LCOR: variants seen among roughly 807,000 people sequenced by gnomAD.
The protein encoded by LCOR is ligand dependent nuclear receptor corepressor.
Under a neutral mutation model 64.4 loss-of-function variants are expected in LCOR, and 14 were observed. The ratio of observed to expected loss-of-function variants is 0.22; its 90% confidence interval spans 0.14 to 0.34. The LOEUF (loss-of-function observed/expected upper bound fraction) is 0.34, where lower values mean the gene tolerates loss of function less well. Ranked by LOEUF, LCOR falls within the 10% of genes least tolerant of loss-of-function variation. LCOR has a pLI of 1.00. For synonymous variants in LCOR, 643 were observed against 642.5 expected, an observed-to-expected ratio of 1.00 and a Z score of -0.01; for missense variants, 1,686 against 1,765.3, an observed-to-expected ratio of 0.96 and a Z score of 0.80.
chr10:96,942,496 C>G (rs1258564243), intron 4 of LCOR, among the ~76,000 whole-genome samples: 2 of 151,632 alleles, frequency 1.3e-5, no homozygotes, highest in Non-Finnish European at 2.9e-5. Context: ...ATTTATAAGA[C>G]TTAAAATATT....
chr10:96,877,202 C>G (rs947576700), intron 2 of LCOR, among the ~76,000 whole-genome samples: 15 of 151,954 alleles, frequency 9.9e-5, no homozygotes, highest in Non-Finnish European at 1.8e-4. Context: ...TATATCAAAT[C>G]AACAAAAATC....
intron 2 of LCOR, among the ~76,000 whole-genome samples, chr10:96,891,484 T>C (rs1846439779): frequency 1.0e-5 from 1 of 96,404 alleles, no homozygotes; most frequent in African/African-American, 7.2e-5. Context: ...TTCTGACTCT[T>C]TTTTTTTTTT....
chr10:96,933,141 AT>A (rs1022900892), intron 4 of LCOR, among the ~76,000 whole-genome samples: 1 of 152,202 alleles, frequency 6.6e-6, no homozygotes, highest in Non-Finnish European at 1.5e-5. Context: ...GTCTCATTTA[AT>A]TTTTTTAAGT....
rs954459141 is a variant in LCOR at position 96,944,144 on chromosome 10, C to T, written c.-152C>T. 1.2e-5 allele frequency: 12 copies of T among 985,634 alleles called. No individual in the cohort carries two copies. The highest frequency in any genetic ancestry group is 1.3e-5 in the Non-Finnish European group (11 of 829,908). The allele number at this position is 985,634 out of a possible 1,614,324, so 61.1% of individuals were successfully genotyped here. ...TTAGTCGGTCTGGATGAACCAGCTT[C>T]GGGAGCTGGGCAAGAAGCTCTGCTT... is the stretch of plus-strand genomic sequence containing the variant. On this transcript the variant is annotated 5_prime_UTR_variant, in exon 5 of 8. Coordinates refer to ENST00000421806, the MANE Select transcript of LCOR (RefSeq NM_001346516.2).
At position 96,915,939 on chromosome 10, in the gene LCOR, G is replaced by A. The variant is rs116730536; in HGVS notation, c.-184+8192G>A. 8.8e-3 allele frequency: 3,271 copies of A among 371,242 alleles called. 78 individuals are homozygous for A. Among genetic ancestry groups the A allele is most frequent in the African/African-American group, 0.058 (2,763 of 47,576 alleles). 23.0% of individuals were successfully genotyped at this position (371,242 alleles called of 1,614,324 possible). On this transcript the variant is annotated intron_variant, in intron 4 of 7. Transcript: ENST00000421806. Reference sequence around the variant, plus strand: ...CGGCGGCAGGATGTAGGTGCTAGGCGCAGGATGCAGTGGTGCGTGGCCTTT... The same window carrying A: ...CGGCGGCAGGATGTAGGTGCTAGGCACAGGATGCAGTGGTGCGTGGCCTTT...
At chr10:96,955,939 C>T in intron 7 of LCOR, 1 of 1,601,500 alleles carries the variant, frequency 6.2e-7, no homozygotes, top group South Asian at 1.1e-5. Context: ...TGTAGAGTGC[C>T]AATTACTGTA....
At chr10:96,963,610 T>A (rs1468264121) in intron 7 of LCOR, 1 of 152,212 alleles carries the variant, frequency 6.6e-6, no homozygotes, top group Non-Finnish European at 1.5e-5. Context: ...GAGGTCTAGG[T>A]CTGCATATCA....
intron 2 of LCOR, among the ~76,000 whole-genome samples, chr10:96,872,385 C>A (rs1722396484): frequency 6.6e-6 from 1 of 152,298 alleles, no homozygotes; most frequent in African/African-American, 2.4e-5. Context: ...GATACAGAGG[C>A]AGTGCTGTTT....
chr10:96,959,981 A>G (rs1017139701), intron 7 of LCOR: 4 of 152,146 alleles, frequency 2.6e-5, no homozygotes, highest in African/African-American at 7.2e-5. Flanking sequence ...ACCTCAACCA[A>G]TTGGCATTTC....
rs1328983320 is a variant in LCOR, at chr10:96,982,073, C to A, written c.1613C>A (p.Ala538Glu). The change falls in exon 8 of 8, where the codon GCA becomes GAA. Residue 538 changes from alanine to glutamate, a missense_variant. Transcript: ENST00000421806. ...KASCSALASE[A>E]VFTPKQTLTI... ...AGCTGCTCAGCATTGGCATCAGAGGCAGTTTTCACTCCTAAGCAGACCCTT... is the reference window on the plus strand; with the variant it reads ...AGCTGCTCAGCATTGGCATCAGAGGAAGTTTTCACTCCTAAGCAGACCCTT... 1.2e-6 allele frequency: 2 copies of A among 1,614,060 alleles called. No homozygotes were observed. The highest frequency in any genetic ancestry group is 4.5e-5 in the East Asian group (2 of 44,898).
At chr10:96,958,363 C>A in intron 7 of LCOR, 1 of 1,532,218 alleles carries the variant, frequency 6.5e-7, no homozygotes, top group Non-Finnish European at 8.8e-7. Flanking sequence ...TTGTAGTGTA[C>A]ATGGAGTGAT....
At position 96,924,687 on chromosome 10, in the gene LCOR, T is replaced by G. The variant is rs150350083; in HGVS notation, c.-184+16940T>G. On this transcript the variant is annotated intron_variant, in intron 4 of 7. Transcript: ENST00000421806. ...CTTATTATTTAGTCATTTTTGTTCT[T>G]TGTCATAATTACTACTTACAACGCA... 2.8e-3 allele frequency among the ~76,000 whole-genome samples: 428 copies of G among 152,276 alleles called. 1 individual carries two copies. Among genetic ancestry groups the G allele is most frequent in the Non-Finnish European group, 3.6e-3 (246 of 68,028 alleles).
chr10:96,936,081 C>A (rs1000699961), intron 4 of LCOR, among the ~76,000 whole-genome samples: 1 of 152,246 alleles, frequency 6.6e-6, no homozygotes, highest in Non-Finnish European at 1.5e-5. Flanking sequence ...AGACGTTTAA[C>A]AGATAATCAG....
At chr10:96,835,124 C>T (rs1845420393) in intron 2 of LCOR, among the ~76,000 whole-genome samples, 1 of 152,202 alleles carries the variant, frequency 6.6e-6, no homozygotes, top group Non-Finnish European at 1.5e-5. Context: ...TGGTCTCGAA[C>T]TCCTGACCTC....
rs978847551 is a variant in LCOR at position 96,955,863 on chromosome 10, A to T, written c.332+3667A>T. On this transcript the variant is annotated intron_variant, in intron 7 of 7. Transcript: ENST00000421806. ...GGAGGGGCCAGATGTTTCTGTAAAG[A>T]TTGAATTAGATCCCCAGGGAGAGGC... is the stretch of plus-strand genomic sequence containing the variant. 1.9e-6 allele frequency: 3 copies of T among 1,614,082 alleles called. No individual in the cohort carries two copies. The African/African-American group carries it at 4.0e-5, about 22-fold the overall frequency.
At chr10:96,901,945 A>AC (rs2134447053) in intron 2 of LCOR, among the ~76,000 whole-genome samples, 1 of 152,178 alleles carries the variant, frequency 6.6e-6, no homozygotes, top group African/African-American at 2.4e-5. Flanking sequence ...AATTTTTTGT[A>AC]CTTTTTTATA....
Position 96,982,594 on chromosome 10 carries a change from A to G in LCOR, c.2134A>G (p.Met712Val), listed in dbSNP as rs779377877. Residue 712 changes from methionine (M) to valine (V), a missense_variant, in exon 8 of 8, where the codon ATG (methionine) becomes GTG (valine). By Grantham distance (21) the Met-to-Val change is conservative. This residue lies in a region of LCOR where 1,293 missense variants were observed against 1,410.4 expected (regional missense o/e 0.92). Coordinates refer to ENST00000421806, the MANE Select transcript of LCOR (RefSeq NM_001346516.2). ...GTGCTCAGAAAATCAGAGTTCCCCA[A>G]TGGGCTTGGAGCCCCCCATGAGTCT... Reference protein sequence around the residue: ...PQCSENQSSPMGLEPPMSLGK... With the variant: ...PQCSENQSSPVGLEPPMSLGK... 4 of 1,614,014 alleles carry G rather than the reference A, an allele frequency of 2.5e-6. No homozygotes were observed. Among genetic ancestry groups the G allele is most frequent in the African/African-American group, 1.3e-5 (1 of 74,926 alleles).
At chr10:96,867,059 T>C (rs556115265) in intron 2 of LCOR, among the ~76,000 whole-genome samples, 2 of 152,228 alleles carry the variant, frequency 1.3e-5, no homozygotes, top group South Asian at 4.1e-4. Context: ...CAATCTCGGC[T>C]CACCGCAACC....
intron 2 of LCOR, among the ~76,000 whole-genome samples, chr10:96,878,417 T>C (rs185012145): frequency 4.9e-4 from 75 of 152,286 alleles, no homozygotes; most frequent in Admixed American, 7.2e-4. Context: ...ATTAGATTGA[T>C]AGATCTAACA....
Sources: gnomAD v4.1 joint callset for allele counts (sites outside exome capture counted in the v4.1 genomes callset) on GRCh38, gnomAD v4.1.1 for gene constraint, gnomAD v4.1.1 regional missense constraint, MANE v1.5 for transcripts, NCBI Gene and HGNC (gene_info 2026-07-23, HGNC 2026-07-21) for gene names.